The following NECAB2 variants were observed in gnomAD, a reference collection of about 807,000 sequenced individuals.
NECAB2 encodes the protein N-terminal EF-hand calcium-binding protein 2.
In NECAB2, 68 loss-of-function variants were observed where a neutral mutation model predicts 51.9. That is an observed-to-expected ratio of 1.31 (90% CI 1.08 to 1.60). The LOEUF (loss-of-function observed/expected upper bound fraction) is 1.60, where lower values mean the gene tolerates loss of function less well. NECAB2 is among the 40% of genes most tolerant of loss of function. The pLI is 0.00. For synonymous variants in NECAB2, 329 were observed against 203.5 expected (o/e 1.62, Z -5.25); for missense variants, 854 against 490.3 (o/e 1.74, Z -7.00).
chr16:83,972,223 G>A (rs370426150), intron 2 of NECAB2, 48 bp downstream of exon 2: 84 of 1,611,544 alleles, frequency 5.2e-5, no homozygotes, highest in Non-Finnish European at 6.6e-5. Flanking sequence ...TTCTGTCCTC[G>A]TGCTTCATGG....
chr16:83,997,285 A>C lies in NECAB2; in HGVS notation c.849+16A>C, dbSNP rs776147932. 2.7e-5 allele frequency: 44 copies of C among 1,613,438 alleles called. No individual in the cohort carries two copies. Among genetic ancestry groups the C allele is most frequent in the Middle Eastern group, 1.6e-4 (1 of 6,084 alleles). On this transcript the variant is annotated intron_variant, in intron 9 of 12. Transcript: ENST00000305202. ...CACCAACATGGTGAGGCCCCTTCCCACCTCTCTTCTGGGACCACATCCCTA... is the reference window on the plus strand; with the variant it reads ...CACCAACATGGTGAGGCCCCTTCCCCCCTCTCTTCTGGGACCACATCCCTA...
chr16:83,999,390 G>A (rs1366710672), intron 10 of NECAB2, among the ~76,000 whole-genome samples: 1 of 152,208 alleles, frequency 6.6e-6, no homozygotes, highest in Non-Finnish European at 1.5e-5. Context: ...CCACCCCGAT[G>A]CGCTGTGGAG....
chr16:83,983,307 A>G (rs990072839), intron 5 of NECAB2, among the ~76,000 whole-genome samples: 17 of 152,158 alleles, frequency 1.1e-4, no homozygotes, highest in African/African-American at 4.1e-4. Context: ...TTGTCTCTGC[A>G]TTCTAACACG....
chr16:83,981,216 C>G, intron 5 of NECAB2, 89 bp downstream of exon 5: 2 of 1,210,398 alleles, frequency 1.7e-6, no homozygotes, highest in Non-Finnish European at 2.4e-6. Flanking sequence ...TTTTTGAAGA[C>G]AGGCCGCCAG....
chr16:83,974,795 G>C (rs1370790185), intron 2 of NECAB2, among the ~76,000 whole-genome samples: 1 of 152,110 alleles, frequency 6.6e-6, no homozygotes, highest in Admixed American at 6.5e-5. Context: ...GAATGGCTGG[G>C]GAAAGAGGAA....
intron 3 of NECAB2, among the ~76,000 whole-genome samples, chr16:83,980,324 C>T (rs1043166541): frequency 6.6e-6 from 1 of 152,178 alleles, no homozygotes; most frequent in Non-Finnish European, 1.5e-5. Flanking sequence ...TAGGCTCATG[C>T]TCAGCCTGCT....
upstream of NECAB2, chr16:83,965,806 C>A: frequency 6.2e-7 from 1 of 1,612,988 alleles, no homozygotes; most frequent in Non-Finnish European, 8.5e-7. Context: ...CAGGGGCTGA[C>A]TTTGCAGTGG....
intron 5 of NECAB2, among the ~76,000 whole-genome samples, chr16:83,987,574 G>A (rs760785231): frequency 6.6e-6 from 1 of 151,762 alleles, no homozygotes; most frequent in African/African-American, 2.4e-5. Flanking sequence ...TATAATCTGT[G>A]TTCAAAAATC....
rs576497481 is a variant in NECAB2, at chr16:83,988,115, T to A, written c.460-2379T>A. On this transcript the variant is annotated intron_variant, in intron 5 of 12. Transcript: ENST00000305202. Reference sequence around the variant, plus strand: ...TCTTCATAAGTCCTTTGTGCTGCTTTGGTTTAGGTGCGCTTCTGATGGACC... The same window carrying A: ...TCTTCATAAGTCCTTTGTGCTGCTTAGGTTTAGGTGCGCTTCTGATGGACC... Among the ~76,000 whole-genome samples the A allele has an allele frequency of 2.0e-5, 3 of 152,360 alleles. No individual in the cohort carries two copies. The East Asian group carries it at 5.8e-4, about 29-fold the overall frequency.
chr16:83,990,482 T>G lies in NECAB2; in HGVS notation c.460-12T>G, dbSNP rs756732367. 1.2e-6 allele frequency: 2 copies of G among 1,613,794 alleles called. No individual in the cohort carries two copies. The highest frequency in any genetic ancestry group is 1.3e-5 in the African/African-American group (1 of 74,912). On this transcript the variant is annotated splice_polypyrimidine_tract_variant and intron_variant, in intron 5 of 12. Transcript: ENST00000305202. ...CCCTTTCCCCTCAGTGCCTCTTCTCTTCCTTCCACAGGTATATGAGGGTGG... is the reference window on the plus strand; with the variant it reads ...CCCTTTCCCCTCAGTGCCTCTTCTCGTCCTTCCACAGGTATATGAGGGTGG...
At chr16:83,989,512 C>T (rs529862403) in intron 5 of NECAB2, among the ~76,000 whole-genome samples, 25 of 152,276 alleles carry the variant, frequency 1.6e-4, no homozygotes, top group African/African-American at 5.8e-4. Context: ...TTTTCCTTGC[C>T]TTGCCAGGGA....
chr16:83,988,185 G>T (rs934804003), intron 5 of NECAB2, among the ~76,000 whole-genome samples: 13 of 152,066 alleles, frequency 8.5e-5, no homozygotes, highest in Non-Finnish European at 1.5e-5. Context: ...AAGGGAATTC[G>T]GGCCACCTTT....
chr16:84,001,631 G>C (rs997723897), intron 11 of NECAB2, among the ~76,000 whole-genome samples, 194 bp from the exon 12 acceptor site: 14 of 152,076 alleles, frequency 9.2e-5, no homozygotes, highest in African/African-American at 3.1e-4. Context: ...CAGGGAAAAA[G>C]AGAAGCTCAC....
At chr16:83,980,745 G>A in intron 3 of NECAB2, 94 bp from the exon 4 acceptor site, 1 of 1,473,296 alleles carries the variant, frequency 6.8e-7, no homozygotes, top group Non-Finnish European at 9.3e-7. Flanking sequence ...GCTGCAAAGA[G>A]CAGGCAGGAT....
At chr16:83,965,395 C>T (rs3743627), upstream of NECAB2, 126 of 1,574,488 alleles carry the variant, frequency 8.0e-5, no homozygotes, top group East Asian at 5.2e-4. Context: ...CCCTGGAGGC[C>T]GCCACAAGGG....
At chr16:84,001,991 A>G in intron 12 of NECAB2, 75 bp downstream of exon 12, 2 of 1,485,332 alleles carry the variant, frequency 1.3e-6, no homozygotes, top group South Asian at 1.2e-5. Flanking sequence ...GCTGCCCCAT[A>G]TCTCCCGGGG....
intron 2 of NECAB2, among the ~76,000 whole-genome samples, chr16:83,973,863 A>T (rs983881749): frequency 2.6e-5 from 4 of 151,992 alleles, no homozygotes; most frequent in Admixed American, 2.6e-4. Context: ...GCCTCTAGCC[A>T]TGGCTGTGCA....
chr16:83,971,991 G>T, intron 1 of NECAB2, 160 bp from the exon 2 acceptor site: 1 of 957,250 alleles, frequency 1.0e-6, no homozygotes, highest in South Asian at 1.6e-5. Context: ...AGTTCCCCCT[G>T]GATCCCAGCC....
chr16:83,965,711 C>T (rs2084271151), upstream of NECAB2: 1 of 1,613,674 alleles, frequency 6.2e-7, no homozygotes, highest in Non-Finnish European at 8.5e-7. Flanking sequence ...GTTCCAGGAC[C>T]TCGAGGGTGT....
Sources: allele counts gnomAD v4.1 joint callset (sites outside exome capture counted in the v4.1 genomes callset), GRCh38; gene constraint gnomAD v4.1.1; transcripts MANE v1.5; gene names NCBI Gene and HGNC (gene_info 2026-07-23, HGNC 2026-07-21).